PTPRD: variants seen among roughly 807,000 people sequenced by gnomAD.
PTPRD encodes receptor-type tyrosine-protein phosphatase delta.
A neutral mutation model predicts 214.5 loss-of-function variants in PTPRD; 34 were observed. The observed-to-expected ratio is 0.16, with a 90% confidence interval of 0.12 to 0.21. The LOEUF is 0.21. PTPRD is among the 10% of genes least tolerant of loss of function. The probability of loss-of-function intolerance (pLI) is 1.00; values close to 1 mark genes in which losing one functional copy is unlikely to be tolerated. For missense variants in PTPRD, 2,545 were observed against 2,398.7 expected, an observed-to-expected ratio of 1.06 and a Z score of -1.27; for synonymous variants, 1,128 against 845.7, an observed-to-expected ratio of 1.33 and a Z score of -5.79.
chr9:9,972,593 T>C (rs1217439547), intron 4 of PTPRD, among the ~76,000 whole-genome samples: 1 of 152,208 alleles, frequency 6.6e-6, no homozygotes, highest in Admixed American at 6.5e-5. Flanking sequence ...TATAGTAGCT[T>C]GAAAGAACAC....
chr9:8,670,451 G>A (rs983297511), intron 12 of PTPRD, among the ~76,000 whole-genome samples: 4 of 152,094 alleles, frequency 2.6e-5, no homozygotes, highest in African/African-American at 9.7e-5. Flanking sequence ...GTGAGATCAT[G>A]CAATATTTTG....
intron 14 of PTPRD, among the ~76,000 whole-genome samples, chr9:8,596,715 T>C (rs887939101): frequency 9.9e-5 from 15 of 152,142 alleles, no homozygotes; most frequent in Non-Finnish European, 1.6e-4. Flanking sequence ...CTACATTTAA[T>C]AAAATCTGTG....
At chr9:9,365,234 C>T (rs1013156712) in intron 9 of PTPRD, among the ~76,000 whole-genome samples, 4 of 151,512 alleles carry the variant, frequency 2.6e-5, no homozygotes, top group African/African-American at 9.7e-5. Context: ...GATCATGTGT[C>T]TCTATTATAT....
At position 9,826,437 on chromosome 9, in the gene PTPRD, T is replaced by A. The variant is rs2052867747; in HGVS notation, c.-367-59586A>T. 2.0e-5 allele frequency among the ~76,000 whole-genome samples: 3 copies of A among 152,032 alleles called. No homozygotes were observed. In the Admixed American group the frequency reaches 2.0e-4, roughly 10 times the overall value. ...TTTGAAGTATTTTGAAGGCAGACTT[T>A]ACTGGCTAGATTTTATTTTCAGTCA... is the stretch of plus-strand genomic sequence containing the variant. On this transcript the variant is annotated intron_variant, in intron 5 of 45. Coordinates refer to ENST00000381196, the MANE Select transcript of PTPRD (RefSeq NM_002839.4).
chr9:8,974,396 AATTTT>A (rs1164844594), intron 11 of PTPRD, among the ~76,000 whole-genome samples: 2 of 152,084 alleles, frequency 1.3e-5, no homozygotes, highest in Non-Finnish European at 2.9e-5. Flanking sequence ...ACTCCTTTTT[AATTTT>A]ATTTTATTTA....
chr9:8,460,068 A>C (rs936394281), intron 33 of PTPRD, among the ~76,000 whole-genome samples: 3 of 152,144 alleles, frequency 2.0e-5, no homozygotes, highest in Non-Finnish European at 2.9e-5. Context: ...TAATTATCTA[A>C]AACAATCAAA....
At chr9:8,718,945 G>A (rs954666778) in intron 12 of PTPRD, among the ~76,000 whole-genome samples, 1 of 152,054 alleles carries the variant, frequency 6.6e-6, no homozygotes, top group Non-Finnish European at 1.5e-5. Flanking sequence ...GCACCAAAAT[G>A]GTACAGAGTA....
At chr9:10,259,908 C>T (rs1387061835) in intron 3 of PTPRD, among the ~76,000 whole-genome samples, 1 of 152,134 alleles carries the variant, frequency 6.6e-6, no homozygotes. Flanking sequence ...ATACTGACCC[C>T]ACCAGAGTGG....
intron 14 of PTPRD, among the ~76,000 whole-genome samples, chr9:8,605,205 G>C (rs1389781592): frequency 6.6e-6 from 1 of 152,102 alleles, no homozygotes; most frequent in Non-Finnish European, 1.5e-5. Context: ...AAATAATGAA[G>C]TTGGAAAAAT....
intron 8 of PTPRD, among the ~76,000 whole-genome samples, chr9:9,569,130 C>G (rs927503421): frequency 7.2e-5 from 11 of 151,792 alleles, no homozygotes; most frequent in African/African-American, 2.4e-4. Flanking sequence ...TCATTGTCAT[C>G]ATCTGCAGCG....
chr9:9,625,168 T>C (rs1235530908), intron 7 of PTPRD, among the ~76,000 whole-genome samples: 1 of 152,204 alleles, frequency 6.6e-6, no homozygotes, highest in African/African-American at 2.4e-5. Flanking sequence ...CAGGATTGTT[T>C]CCATTCTATG....
chr9:10,324,106 T>G (rs1303996495), intron 3 of PTPRD, among the ~76,000 whole-genome samples: 1 of 152,066 alleles, frequency 6.6e-6, no homozygotes, highest in Non-Finnish European at 1.5e-5. Flanking sequence ...TTATAATGTC[T>G]CTCCTCTCAC....
intron 2 of PTPRD, among the ~76,000 whole-genome samples, chr9:10,372,461 C>T (rs1367612901): frequency 6.6e-6 from 1 of 152,050 alleles, no homozygotes; most frequent in Non-Finnish European, 1.5e-5. Context: ...GATTGTAGCT[C>T]ATACCACTTG....
At chr9:9,621,347 G>A (rs1318065653) in intron 7 of PTPRD, among the ~76,000 whole-genome samples, 1 of 152,064 alleles carries the variant, frequency 6.6e-6, no homozygotes, top group Non-Finnish European at 1.5e-5. Context: ...AACTGAAACT[G>A]CCAATGACTT....
chr9:10,300,280 C>T (rs2095821038), intron 3 of PTPRD, among the ~76,000 whole-genome samples: 1 of 152,148 alleles, frequency 6.6e-6, no homozygotes, highest in Non-Finnish European at 1.5e-5. Context: ...CAGGAGATTC[C>T]CTCTGGTGCC....
At chr9:9,903,494 A>T (rs561450699) in intron 5 of PTPRD, among the ~76,000 whole-genome samples, 10 of 152,218 alleles carry the variant, frequency 6.6e-5, no homozygotes, top group Non-Finnish European at 1.3e-4. Flanking sequence ...GTACCCAATA[A>T]ATAATGGGTA....
intron 7 of PTPRD, among the ~76,000 whole-genome samples, chr9:9,714,548 A>G (rs1388497647): frequency 2.0e-5 from 3 of 152,238 alleles, no homozygotes; most frequent in Non-Finnish European, 4.4e-5. Context: ...AATTCAGACT[A>G]TTAGCTAGGT....
At chr9:9,164,928 C>G (rs2099899310) in intron 10 of PTPRD, among the ~76,000 whole-genome samples, 1 of 151,822 alleles carries the variant, frequency 6.6e-6, no homozygotes, top group Non-Finnish European at 1.5e-5. Context: ...TGGTGCACAC[C>G]TGTAATCCCA....
At chr9:8,543,424 T>C (rs560950543) in intron 14 of PTPRD, among the ~76,000 whole-genome samples, 51 of 152,334 alleles carry the variant, frequency 3.3e-4, no homozygotes, top group African/African-American at 1.2e-3. Context: ...GCCCCTTCAA[T>C]TGCTCAGTGA....
Sources: allele counts gnomAD v4.1 joint callset (sites outside exome capture counted in the v4.1 genomes callset), GRCh38; gene constraint gnomAD v4.1.1; transcripts MANE v1.5; gene names NCBI Gene and HGNC (gene_info 2026-07-23, HGNC 2026-07-21).